Variants in LGR4 observed in about 807,000 individuals in gnomAD.
LGR4 encodes leucine rich repeat containing G protein-coupled receptor 4.
Under a neutral mutation model 84.8 loss-of-function variants are expected in LGR4, and 44 were observed. The observed-to-expected ratio is 0.52, with a 90% CI of 0.41 to 0.67. The LOEUF (loss-of-function observed/expected upper bound fraction) is 0.67. LGR4 is among the 30% of genes least tolerant of loss of function. The pLI is 0.00. For synonymous variants in LGR4, 429 were observed against 434.3 expected (o/e 0.99, Z 0.15); for missense variants, 1,032 against 1,131.4 (o/e 0.91, Z 1.26).
chr11:27,443,512 AT>A (rs36041878), intron 1 of LGR4, among the ~76,000 whole-genome samples: 7,876 of 152,316 alleles, frequency 0.052, 296 homozygotes, highest in Non-Finnish European at 0.081. Context: ...TAAAATGAAA[AT>A]GGGGAAAGGC....
chr11:27,418,393 C>T (rs918172900), intron 1 of LGR4, among the ~76,000 whole-genome samples: 2 of 152,194 alleles, frequency 1.3e-5, no homozygotes, highest in African/African-American at 4.8e-5. Flanking sequence ...CGACTAGAAT[C>T]CAACCAAGTG....
At chr11:27,407,126 G>C (rs187810599) in intron 2 of LGR4, among the ~76,000 whole-genome samples, 4 of 152,182 alleles carry the variant, frequency 2.6e-5, no homozygotes. Flanking sequence ...TCTACTATTG[G>C]GTCTTGATAT....
chr11:27,406,313 T>C (rs979538435), intron 2 of LGR4, among the ~76,000 whole-genome samples: 1 of 152,092 alleles, frequency 6.6e-6, no homozygotes, highest in Non-Finnish European at 1.5e-5. Flanking sequence ...CAACAAAAGT[T>C]TGTTGAATTT....
At position 27,467,349 on chromosome 11, in the gene LGR4, C is replaced by T. The variant is rs575830846; in HGVS notation, c.185+4769G>A. 1.4e-4 allele frequency among the ~76,000 whole-genome samples: 21 copies of T among 151,936 alleles called. No homozygotes were observed. The South Asian group carries it at 1.9e-3, about 14-fold the overall frequency. On this transcript the variant is annotated intron_variant, in intron 1 of 17. Coordinates refer to ENST00000379214, the MANE Select transcript of LGR4 (RefSeq NM_018490.5). The stretch of plus-strand genomic sequence containing the variant: ...TTGGGAGGCCGAGGCAGGAGGACCA[C>T]GAGGTCAGGAATTCAAGACCAGCCT...
chr11:27,431,186 C>G (rs940660917), intron 1 of LGR4, among the ~76,000 whole-genome samples: 1 of 152,090 alleles, frequency 6.6e-6, no homozygotes, highest in East Asian at 1.9e-4. Context: ...AACCACTGAG[C>G]GAGGGGTTCT....
At chr11:27,427,861 C>A (rs536100776) in intron 1 of LGR4, among the ~76,000 whole-genome samples, 1 of 152,312 alleles carries the variant, frequency 6.6e-6, no homozygotes, top group East Asian at 1.9e-4. Flanking sequence ...AGAATAGCTG[C>A]GTTTCTCCTT....
At chr11:27,460,432 T>C (rs1864660420) in intron 1 of LGR4, among the ~76,000 whole-genome samples, 1 of 152,176 alleles carries the variant, frequency 6.6e-6, no homozygotes, top group Admixed American at 6.5e-5. Flanking sequence ...ACACACCACA[T>C]ATCAAATCTG....
At chr11:27,464,347 G>C (rs1385678676) in intron 1 of LGR4, among the ~76,000 whole-genome samples, 1 of 152,102 alleles carries the variant, frequency 6.6e-6, no homozygotes, top group Non-Finnish European at 1.5e-5. Flanking sequence ...TAGGGAAATG[G>C]GAGAAACCAG....
In LGR4 at chr11:27,373,576, C is replaced by T. The variant is rs564080700; in HGVS notation, c.1354G>A (p.Ala452Thr). 3 of 1,593,834 alleles carry T rather than the reference C, an allele frequency of 1.9e-6. No homozygotes were observed. In the African/African-American group the frequency reaches 4.0e-5, roughly 21 times the overall value. ...VGNFKLKEALAAKDFVNLRSL... is the reference protein window; with the variant it reads ...VGNFKLKEALTAKDFVNLRSL... ...CTGAGGTTAACAAAGTCTTTTGCTG[C>T]TAAGGCTTCTTTCAGCTTGAAGTTG... The change falls in exon 15 of 18, where the codon GCA becomes ACA. Residue 452 changes from alanine (A) to threonine (T), a missense_variant. Transcript: ENST00000379214.
chr11:27,388,133 GA>G (rs1451590102), intron 4 of LGR4, among the ~76,000 whole-genome samples: 1 of 152,116 alleles, frequency 6.6e-6, no homozygotes, highest in African/African-American at 2.4e-5. Flanking sequence ...GGATTAAAAA[GA>G]ACTATGGAAA....
chr11:27,469,662 CT>C (rs1208609977), intron 1 of LGR4, among the ~76,000 whole-genome samples: 1 of 152,166 alleles, frequency 6.6e-6, no homozygotes, highest in African/African-American at 2.4e-5. Flanking sequence ...ATAGTTTCAT[CT>C]TTTTAACTTC....
At chr11:27,378,551 G>T in intron 11 of LGR4, 146 bp downstream of exon 11, 1 of 656,566 alleles carries the variant, frequency 1.5e-6, no homozygotes, top group South Asian at 1.7e-5. Flanking sequence ...CCCTGGAGAT[G>T]ACTCAAATAT....
At position 27,472,279 on chromosome 11, in the gene LGR4, GAGC is replaced by G; in HGVS notation, c.21_23del (p.Leu8del). ...CGAGCAGCCCCAGGGCGAGGAAGCA[GAGC>G]AGCCCTAGCGGGCCCGGCATTGCTG... On this transcript the variant is annotated inframe_deletion, in exon 1 of 18. Coordinates refer to ENST00000379214, the MANE Select transcript of LGR4 (RefSeq NM_018490.5). 1 of 1,240,918 alleles carries G rather than the reference GAGC, an allele frequency of 8.1e-7. No individual in the cohort carries two copies. Among genetic ancestry groups the G allele is most frequent in the Non-Finnish European group, 1.0e-6 (1 of 996,208 alleles). The allele number at this position is 1,240,918 out of a possible 1,614,324, so 76.9% of individuals were successfully genotyped here. A position where few individuals can be genotyped will look rare whatever the true frequency, so the allele number is the denominator to read the frequency against.
At chr11:27,453,703 T>C (rs1864524305) in intron 1 of LGR4, among the ~76,000 whole-genome samples, 1 of 152,198 alleles carries the variant, frequency 6.6e-6, no homozygotes, top group African/African-American at 2.4e-5. Context: ...AATAAACAAA[T>C]GTTGAACAAA....
Position 27,472,187 on chromosome 11 carries a change from C to A in LGR4, c.116G>T (p.Arg39Leu), listed in dbSNP as rs1445935940. 2 of 1,286,514 alleles carry A rather than the reference C, an allele frequency of 1.6e-6. No individual in the cohort carries two copies. Among genetic ancestry groups the A allele is most frequent in the African/African-American group, 1.6e-5 (1 of 61,812 alleles). The allele number at this position is 1,286,514 out of a possible 1,614,324, so 79.7% of individuals were successfully genotyped here. ...CAAPCSCDGD[R>L]RVDCSGKGLT... ...CCCCTTCCCGGAGCAGTCCACCCGA[C>A]GGTCGCCGTCGCAGCTGCAGGGCGC... The change falls in exon 1 of 18, where the codon CGT (arginine) becomes CTT (leucine). Residue 39 changes from arginine to leucine, a missense_variant. By Grantham distance (102) the Arg-to-Leu change is moderately radical. Coordinates refer to ENST00000379214, the MANE Select transcript of LGR4 (RefSeq NM_018490.5).
Position 27,472,281 on chromosome 11 carries a change from G to A in LGR4, c.22C>T (p.Leu8Phe). Reference protein sequence around the residue: MPGPLGLLCFLALGLLGS... With the variant: MPGPLGLFCFLALGLLGS... ...AGCAGCCCCAGGGCGAGGAAGCAGAGCAGCCCTAGCGGGCCCGGCATTGCT... is the reference window on the plus strand; with the variant it reads ...AGCAGCCCCAGGGCGAGGAAGCAGAACAGCCCTAGCGGGCCCGGCATTGCT... Residue 8 changes from leucine to phenylalanine, a missense_variant, in exon 1 of 18, where the codon CTC (leucine) becomes TTC (phenylalanine). Leu to Phe is a conservative substitution (Grantham distance 22). Coordinates refer to ENST00000379214, the MANE Select transcript of LGR4 (RefSeq NM_018490.5). The A allele has an allele frequency of 8.1e-7, 1 of 1,238,566 alleles. No homozygotes were observed. Among genetic ancestry groups the A allele is most frequent in the Non-Finnish European group, 1.0e-6 (1 of 994,804 alleles). 76.7% of individuals were successfully genotyped at this position (1,238,566 alleles called of 1,614,324 possible). A position where few individuals can be genotyped will look rare whatever the true frequency, so the allele number is the denominator to read the frequency against.
intron 2 of LGR4, among the ~76,000 whole-genome samples, chr11:27,399,664 C>T (rs185473585): frequency 2.6e-4 from 39 of 152,002 alleles, no homozygotes; most frequent in African/African-American, 8.9e-4. Context: ...AGATTACAGG[C>T]GCCCACCACC....
chr11:27,425,275 T>C (rs1283551975), intron 1 of LGR4, among the ~76,000 whole-genome samples: 2 of 151,622 alleles, frequency 1.3e-5, no homozygotes, highest in African/African-American at 4.8e-5. Flanking sequence ...AACAATAATA[T>C]ATTCTGGTTG....
intron 2 of LGR4, among the ~76,000 whole-genome samples, chr11:27,401,376 CT>C (rs1203682146): frequency 2.6e-5 from 4 of 152,154 alleles, no homozygotes; most frequent in African/African-American, 9.7e-5. Flanking sequence ...CCATGGAATA[CT>C]TTATTTTAGA....
Sources: gnomAD v4.1 joint callset for allele counts (sites outside exome capture counted in the v4.1 genomes callset) on GRCh38, gnomAD v4.1.1 for gene constraint, MANE v1.5 for transcripts, NCBI Gene and HGNC (gene_info 2026-07-23, HGNC 2026-07-21) for gene names.